Variants in MCC observed in about 807,000 individuals in gnomAD.
MCC encodes the protein colorectal mutant cancer protein.
In MCC, 90 loss-of-function variants were observed where a neutral mutation model predicts 116.2. The ratio of observed to expected loss-of-function variants is 0.77; its 90% CI spans 0.65 to 0.92. The LOEUF (loss-of-function observed/expected upper bound fraction) is 0.92. Ranked by LOEUF, MCC falls within the 40% of genes least tolerant of loss-of-function variation. The pLI is 0.00. For missense variants in MCC, 1,516 were observed against 1,312.2 expected (o/e 1.16, Z -2.40); for synonymous variants, 578 against 510.5 (o/e 1.13, Z -1.78).
chr5:113,097,623 T>C (rs1019483469), intron 8 of MCC, among the ~76,000 whole-genome samples: 1 of 151,998 alleles, frequency 6.6e-6, no homozygotes, highest in African/African-American at 2.4e-5. Context: ...GGAGGTAGAG[T>C]GGGACCAGCT....
chr5:113,425,258 G>A (rs1770450884), intron 1 of MCC, among the ~76,000 whole-genome samples: 1 of 152,088 alleles, frequency 6.6e-6, no homozygotes, highest in African/African-American at 2.4e-5. Flanking sequence ...AAAATTCCAA[G>A]AGAAAACAAT....
At chr5:113,160,591 T>A (rs1760428523) in intron 3 of MCC, among the ~76,000 whole-genome samples, 2 of 152,222 alleles carry the variant, frequency 1.3e-5, no homozygotes, top group Admixed American at 1.3e-4. Flanking sequence ...GTCTTGTTCA[T>A]AACTACCAAG....
At chr5:113,245,278 GA>G (rs1436688942) in intron 3 of MCC, among the ~76,000 whole-genome samples, 6 of 126,676 alleles carry the variant, frequency 4.7e-5, no homozygotes, top group African/African-American at 1.9e-4. Context: ...GGCAACGAGA[GA>G]AACTCCATCT....
rs532629823 is a variant in MCC, at chr5:113,162,549, T to C, written c.628-11127A>G. On this transcript the variant is annotated intron_variant, in intron 3 of 18. Coordinates refer to ENST00000408903, the MANE Select transcript of MCC (RefSeq NM_001085377.2). The stretch of plus-strand genomic sequence containing the variant: ...TCTCACTCTGTCACCCAGGTTAGAA[T>C]GCAGTGGCAAGAACACAACTCACTG... Among the ~76,000 whole-genome samples the C allele has an allele frequency of 1.0e-3, 156 of 152,254 alleles. 1 individual carries two copies. The highest frequency in any genetic ancestry group is 1.8e-3 in the Non-Finnish European group (121 of 68,014).
At chr5:113,149,083 GC>G (rs1286519881) in intron 4 of MCC, among the ~76,000 whole-genome samples, 4 of 152,106 alleles carry the variant, frequency 2.6e-5, no homozygotes, top group African/African-American at 9.7e-5. Context: ...GTACATGCCA[GC>G]TTCCAATTAA....
intron 14 of MCC, among the ~76,000 whole-genome samples, chr5:113,055,249 G>A (rs1317763450): frequency 1.3e-5 from 2 of 152,152 alleles, no homozygotes; most frequent in East Asian, 1.9e-4. Flanking sequence ...GAATCCTGTA[G>A]CTAGAAGCTA....
At chr5:113,228,939 T>C (rs1198595042) in intron 3 of MCC, among the ~76,000 whole-genome samples, 1 of 152,244 alleles carries the variant, frequency 6.6e-6, no homozygotes, top group Admixed American at 6.5e-5. Flanking sequence ...GGTTGCCATT[T>C]ACATATATGG....
chr5:113,046,685 CAAAAAAAAAAAAAAAA>C (rs151183145), intron 16 of MCC, among the ~76,000 whole-genome samples: 5 of 58,396 alleles, frequency 8.6e-5, no homozygotes, highest in Non-Finnish European at 1.6e-4. Flanking sequence ...ACTCAAAAGG[CAAAAAAAAAAAAAAAA>C]AAAAAAAAAA....
chr5:113,469,818 A>G (rs1772029127), intron 1 of MCC, among the ~76,000 whole-genome samples: 1 of 152,072 alleles, frequency 6.6e-6, no homozygotes, highest in Non-Finnish European at 1.5e-5. Flanking sequence ...TGGGAGTCTA[A>G]GCCTCTTTGT....
rs779287648 is a variant in MCC at position 113,488,322 on chromosome 5, C to T, written c.93G>A (p.Thr31=). The change falls in exon 1 of 19, where the codon ACG becomes ACA. Residue 31 remains threonine, a synonymous_variant. Transcript: ENST00000408903. ...TCCTCTCCTCCTCGCCGGTGCTGGA[C>T]GTGTCGCTGCTGCTGCTGCTGCTGC... ...GSGSSSSSSD[T]SSTGEEERMR... The T allele has an allele frequency of 1.9e-6, 3 of 1,552,014 alleles. No homozygotes were observed. The highest frequency in any genetic ancestry group is 2.3e-5 in the South Asian group (2 of 85,734).
intron 11 of MCC, among the ~76,000 whole-genome samples, chr5:113,079,905 C>T (rs539949664): frequency 6.6e-6 from 1 of 152,236 alleles, no homozygotes; most frequent in South Asian, 2.1e-4. Flanking sequence ...TACAATCTAC[C>T]CATCTGACAA....
intron 8 of MCC, among the ~76,000 whole-genome samples, chr5:113,095,626 T>C (rs7728270): frequency 0.4 from 61,029 of 151,740 alleles, 14,152 homozygotes; most frequent in African/African-American, 0.65. Context: ...CTCAAGCCAT[T>C]TTCCCACCTC....
intron 3 of MCC, chr5:113,294,583 G>A (rs973133598): frequency 4.8e-6 from 6 of 1,255,188 alleles, no homozygotes; most frequent in Non-Finnish European, 6.0e-6. Flanking sequence ...CGCGTTTCAC[G>A]GACGAGCCAT....
At chr5:113,402,273 A>G (rs26963) in intron 1 of MCC, among the ~76,000 whole-genome samples, 63,781 of 145,976 alleles carry the variant, frequency 0.44, 15,447 homozygotes, top group African/African-American at 0.64. Flanking sequence ...CAGCCTGGGC[A>G]ACAGAGCCAG....
intron 3 of MCC, among the ~76,000 whole-genome samples, chr5:113,160,547 C>A (rs966991006): frequency 6.6e-6 from 1 of 152,174 alleles, no homozygotes; most frequent in Admixed American, 6.5e-5. Context: ...AGTAACAGAG[C>A]CAGAATGAAA....
intron 2 of MCC, among the ~76,000 whole-genome samples, chr5:113,374,222 T>TG (rs1160111133): frequency 9.9e-5 from 15 of 151,892 alleles, no homozygotes; most frequent in African/African-American, 3.4e-4. Context: ...TTTTTGTTTT[T>TG]TTTTTTAATA....
In MCC at chr5:113,275,543, T is replaced by C. The variant is rs549030602; in HGVS notation, c.627+64976A>G. Among the ~76,000 whole-genome samples, 7 of 152,288 alleles carry C rather than the reference T, an allele frequency of 4.6e-5. No individual in the cohort carries two copies. The East Asian group carries it at 7.7e-4, about 17-fold the overall frequency. ...CAGGGATTAAGCTTCCTACATTAGA[T>C]TGGTTCACAGACTTTGCAAAACAGA... On this transcript the variant is annotated intron_variant, in intron 3 of 18. Coordinates refer to ENST00000408903, the MANE Select transcript of MCC (RefSeq NM_001085377.2).
At chr5:113,051,143 C>G (rs916550772) in intron 15 of MCC, among the ~76,000 whole-genome samples, 3 of 152,136 alleles carry the variant, frequency 2.0e-5, no homozygotes, top group Non-Finnish European at 4.4e-5. Context: ...TGAGTCCCAA[C>G]AGATCTAAAC....
rs117384113 is a variant in MCC, at chr5:113,235,140, A to G, written c.628-83718T>C. Among the ~76,000 whole-genome samples the G allele has an allele frequency of 8.7e-4, 133 of 152,346 alleles. 2 individuals are homozygous for G. In the East Asian group the frequency reaches 0.022, roughly 25 times the overall value. ...CTGCCCGAGGTGAAAGGTGCCATAT[A>G]AAACTTTAAACTGCTCCACAATAAA... On this transcript the variant is annotated intron_variant, in intron 3 of 18. Coordinates refer to ENST00000408903, the MANE Select transcript of MCC (RefSeq NM_001085377.2).
Sources: allele counts gnomAD v4.1 joint callset (sites outside exome capture counted in the v4.1 genomes callset), GRCh38; gene constraint gnomAD v4.1.1; transcripts MANE v1.5; gene names NCBI Gene and HGNC (gene_info 2026-07-23, HGNC 2026-07-21).